Variants in EFCAB5 observed in about 807,000 individuals in gnomAD.
EFCAB5 encodes the protein EF-hand calcium-binding domain-containing protein 5.
In EFCAB5, 131 loss-of-function variants were observed where a neutral mutation model predicts 167.9. The observed-to-expected ratio is 0.78, with a 90% CI of 0.68 to 0.90. The LOEUF (loss-of-function observed/expected upper bound fraction) is 0.90, where lower values mean the gene tolerates loss of function less well. EFCAB5 is among the 40% of genes least tolerant of loss of function. EFCAB5 has a pLI of 0.00. For missense variants in EFCAB5, 1,663 were observed against 1,745.2 expected, an observed-to-expected ratio of 0.95 and a Z score of 0.84; for synonymous variants, 574 against 602.8, an observed-to-expected ratio of 0.95 and a Z score of 0.70.
rs756694118 is a variant in EFCAB5 at position 29,941,847 on chromosome 17, C to T, written c.42+9C>T. ...AACTCAGACCTGCTCAGGTTCTTGT[C>T]CTACATAGGTTTATCACATTTATGG... On this transcript the variant is annotated intron_variant, in intron 1 of 22. Transcript: ENST00000394835. 6.3e-7 allele frequency: 1 copy of T among 1,599,922 alleles called. No individual in the cohort carries two copies. Among genetic ancestry groups the T allele is most frequent in the Non-Finnish European group, 8.5e-7 (1 of 1,172,204 alleles).
At chr17:30,011,208 C>A (rs1480870796) in intron 7 of EFCAB5, among the ~76,000 whole-genome samples, 1 of 152,120 alleles carries the variant, frequency 6.6e-6, no homozygotes, top group Non-Finnish European at 1.5e-5. Context: ...CTTACTGTAG[C>A]CTTGTAGTAT....
At chr17:29,969,650 A>G (rs996950179) in intron 4 of EFCAB5, among the ~76,000 whole-genome samples, 1 of 152,194 alleles carries the variant, frequency 6.6e-6, no homozygotes, top group Admixed American at 6.5e-5. Flanking sequence ...AGTAAGCTAT[A>G]TGAAAGTTGG....
At chr17:30,106,909 C>T (rs1365881991) in intron 22 of EFCAB5, among the ~76,000 whole-genome samples, 1 of 152,158 alleles carries the variant, frequency 6.6e-6, no homozygotes, top group African/African-American at 2.4e-5. Context: ...CCACTGCACT[C>T]CAGCCTGGGC....
At chr17:29,955,072 T>A (rs1476171597) in intron 3 of EFCAB5, among the ~76,000 whole-genome samples, 1 of 152,230 alleles carries the variant, frequency 6.6e-6, no homozygotes, top group Non-Finnish European at 1.5e-5. Context: ...TAACTTGCTT[T>A]TGATTTTACA....
At chr17:30,062,829 C>T (rs2070460616) in intron 14 of EFCAB5, among the ~76,000 whole-genome samples, 1 of 152,150 alleles carries the variant, frequency 6.6e-6, no homozygotes, top group Non-Finnish European at 1.5e-5. Context: ...TGAGGCAGTA[C>T]TCTGCCTCCT....
At chr17:29,986,503 G>A (rs1024444135) in intron 4 of EFCAB5, among the ~76,000 whole-genome samples, 1 of 152,100 alleles carries the variant, frequency 6.6e-6, no homozygotes, top group Admixed American at 6.6e-5. Context: ...CATAGGAATC[G>A]TTGTGCAGCA....
Position 30,025,588 on chromosome 17 carries a change from A to G in EFCAB5, c.1045-8642A>G, listed in dbSNP as rs568381082. On this transcript the variant is annotated intron_variant, in intron 7 of 22. Coordinates refer to ENST00000394835, the MANE Select transcript of EFCAB5 (RefSeq NM_198529.4). ...TGTTGGTGGGACTGTAAACTAGTTC[A>G]ACCATTGTGAAAGTCAGTGTGGCGA... Among the ~76,000 whole-genome samples the G allele has an allele frequency of 1.6e-4, 24 of 152,356 alleles. No homozygotes were observed. The East Asian group carries it at 4.6e-3, about 29-fold the overall frequency.
At chr17:30,033,867 T>C (rs1313659027) in intron 7 of EFCAB5, among the ~76,000 whole-genome samples, 2 of 152,226 alleles carry the variant, frequency 1.3e-5, no homozygotes, top group African/African-American at 4.8e-5. Context: ...CCATATACCA[T>C]AGAAAAACTG....
chr17:29,993,319 G>A lies in EFCAB5; in HGVS notation c.922G>A (p.Val308Met), dbSNP rs1224671857. Reference sequence around the variant, plus strand: ...CCCTAAAGGAATGATTCCTAAGTCAGTGGTAAGAAAATTGGGGGTATATGT... The same window carrying A: ...CCCTAAAGGAATGATTCCTAAGTCAATGGTAAGAAAATTGGGGGTATATGT... ...LDPKGMIPKSVIQNVLQEFFQ... is the reference protein window; with the variant it reads ...LDPKGMIPKSMIQNVLQEFFQ... The change falls in exon 5 of 23, where the codon GTG (valine) becomes ATG (methionine). Residue 308 changes from valine (V) to methionine (M), a missense_variant and splice_region_variant. Physicochemically the swap from Val to Met is conservative, Grantham distance 21. Transcript: ENST00000394835. The A allele has an allele frequency of 6.2e-7, 1 of 1,609,836 alleles. No individual in the cohort carries two copies. Among genetic ancestry groups the A allele is most frequent in the Non-Finnish European group, 8.5e-7 (1 of 1,177,860 alleles).
intron 3 of EFCAB5, among the ~76,000 whole-genome samples, chr17:29,968,000 G>C (rs1035019145): frequency 6.6e-6 from 1 of 150,908 alleles, no homozygotes; most frequent in Non-Finnish European, 1.5e-5. Context: ...TCAGCCTCCT[G>C]AGTAGTTGGG....
At chr17:29,971,343 C>T (rs749797179) in intron 4 of EFCAB5, among the ~76,000 whole-genome samples, 1 of 151,856 alleles carries the variant, frequency 6.6e-6, no homozygotes, top group Non-Finnish European at 1.5e-5. Flanking sequence ...TAGTAGTTTC[C>T]CTTCTTCCTT....
chr17:30,005,169 G>A (rs2068750376), intron 7 of EFCAB5, among the ~76,000 whole-genome samples: 1 of 152,090 alleles, frequency 6.6e-6, no homozygotes, highest in South Asian at 2.1e-4. Context: ...CCTCAGCAAT[G>A]CATGATGGCT....
intron 14 of EFCAB5, among the ~76,000 whole-genome samples, chr17:30,062,538 G>A (rs1292582952): frequency 6.6e-6 from 1 of 152,196 alleles, no homozygotes; most frequent in East Asian, 1.9e-4. Flanking sequence ...CCACATACCT[G>A]TGCTCTCCCC....
chr17:29,930,702 T>TC (rs1267269264), intron 1 of EFCAB5, among the ~76,000 whole-genome samples: 2 of 151,566 alleles, frequency 1.3e-5, no homozygotes, highest in African/African-American at 2.4e-5. Flanking sequence ...TCTTAACTTT[T>TC]CCCCCCCTTC....
At chr17:30,015,049 C>A (rs1323794030) in intron 7 of EFCAB5, among the ~76,000 whole-genome samples, 1 of 152,176 alleles carries the variant, frequency 6.6e-6, no homozygotes, top group Non-Finnish European at 1.5e-5. Context: ...ATTTCTCCTG[C>A]ACTTATGAAG....
intron 1 of EFCAB5, among the ~76,000 whole-genome samples, chr17:29,933,331 C>T (rs752914279): frequency 6.6e-6 from 1 of 152,210 alleles, no homozygotes; most frequent in Non-Finnish European, 1.5e-5. Context: ...CCAGTACAGT[C>T]GCTTTGCGAA....
intron 18 of EFCAB5, among the ~76,000 whole-genome samples, chr17:30,085,379 C>A (rs1278924550): frequency 6.6e-6 from 1 of 152,248 alleles, no homozygotes. Flanking sequence ...GTAACTGCAT[C>A]AGGCACAATA....
At chr17:30,103,894 C>T (rs766793819) in intron 22 of EFCAB5, among the ~76,000 whole-genome samples, 2 of 152,096 alleles carry the variant, frequency 1.3e-5, no homozygotes, top group Non-Finnish European at 2.9e-5. Context: ...GCCTGTAGTC[C>T]CAACTACTCA....
upstream of EFCAB5, among the ~76,000 whole-genome samples, chr17:29,939,125 G>A (rs180853508): frequency 4.7e-4 from 71 of 152,284 alleles, no homozygotes; most frequent in Non-Finnish European, 9.1e-4. Flanking sequence ...GTTGACAGGC[G>A]TGGGAACAAC....
Sources: allele counts gnomAD v4.1 joint callset (sites outside exome capture counted in the v4.1 genomes callset), GRCh38; gene constraint gnomAD v4.1.1; transcripts MANE v1.5; gene names NCBI Gene and HGNC (gene_info 2026-07-23, HGNC 2026-07-21).